Variants in TBC1D32 observed in about 807,000 individuals in gnomAD.
TBC1D32 encodes the protein TBC1 domain family member 32.
Under a neutral mutation model 170.3 loss-of-function variants are expected in TBC1D32, and 151 were observed. That is an observed-to-expected ratio of 0.89 (90% CI 0.78 to 1.01). The LOEUF is 1.01. Among genes scored for constraint, TBC1D32 ranks in the 50% least tolerant of loss-of-function variants. TBC1D32 has a pLI of 0.00. For missense variants in TBC1D32, 1,464 were observed against 1,457.1 expected (o/e 1.00, Z -0.08); for synonymous variants, 498 against 488.0 (o/e 1.02, Z -0.27).
chr6:121,272,896 T>C (rs185732197), intron 15 of TBC1D32, among the ~76,000 whole-genome samples: 21 of 152,324 alleles, frequency 1.4e-4, no homozygotes, highest in Non-Finnish European at 2.8e-4. Context: ...GAAGAAAATG[T>C]GGCACATATA....
intron 22 of TBC1D32, among the ~76,000 whole-genome samples, chr6:121,202,489 A>G (rs1562887401): frequency 6.6e-6 from 1 of 151,306 alleles, no homozygotes; most frequent in Non-Finnish European, 1.5e-5. Flanking sequence ...GAGCAGGATG[A>G]ATAGTTCTGA....
chr6:121,313,598 A>C (rs1808549500), intron 3 of TBC1D32, among the ~76,000 whole-genome samples: 1 of 152,098 alleles, frequency 6.6e-6, no homozygotes, highest in Admixed American at 6.5e-5. Flanking sequence ...TCTTTTAAAA[A>C]TCCTAGCTAT....
At chr6:121,238,303 T>C (rs1372705406) in intron 20 of TBC1D32, among the ~76,000 whole-genome samples, 2 of 152,106 alleles carry the variant, frequency 1.3e-5, no homozygotes, top group African/African-American at 4.8e-5. Context: ...TATTCATCCA[T>C]ATATTAACTT....
At chr6:121,108,227 A>T (rs1411136095) in intron 29 of TBC1D32, among the ~76,000 whole-genome samples, 1 of 152,112 alleles carries the variant, frequency 6.6e-6, no homozygotes, top group Non-Finnish European at 1.5e-5. Flanking sequence ...TTGTTCATAA[A>T]ACTAGATCAA....
chr6:121,126,057 A>T (rs1780809413), intron 26 of TBC1D32, among the ~76,000 whole-genome samples: 1 of 152,226 alleles, frequency 6.6e-6, no homozygotes, highest in Non-Finnish European at 1.5e-5. Context: ...AATATATGAG[A>T]GATAGGTAAA....
At chr6:121,168,553 G>T (rs1786418458) in intron 22 of TBC1D32, among the ~76,000 whole-genome samples, 1 of 69,832 alleles carries the variant, frequency 1.4e-5, no homozygotes, top group Non-Finnish European at 3.1e-5. Flanking sequence ...CACACTCTGG[G>T]GACTGTGGTG....
intron 3 of TBC1D32, among the ~76,000 whole-genome samples, chr6:121,314,625 G>A (rs4072142): frequency 0.13 from 19,250 of 152,166 alleles, 2,494 homozygotes; most frequent in African/African-American, 0.33. Context: ...TAGCTTGCAC[G>A]CTATAAAACA....
chr6:121,178,134 A>C (rs1788014926), intron 22 of TBC1D32, among the ~76,000 whole-genome samples: 1 of 152,142 alleles, frequency 6.6e-6, no homozygotes, highest in South Asian at 2.1e-4. Flanking sequence ...AGAACTCACT[A>C]TCTTGATAAC....
At chr6:121,145,278 T>C (rs1783278955) in intron 24 of TBC1D32, among the ~76,000 whole-genome samples, 1 of 152,076 alleles carries the variant, frequency 6.6e-6, no homozygotes, top group South Asian at 2.1e-4. Flanking sequence ...AAGAGGAAGA[T>C]CAGGCTTTAA....
At chr6:121,206,828 A>G (rs1437106171) in intron 21 of TBC1D32, among the ~76,000 whole-genome samples, 4 of 152,220 alleles carry the variant, frequency 2.6e-5, no homozygotes, top group Admixed American at 6.5e-5. Flanking sequence ...AAACATTACA[A>G]TAGAATGTGA....
chr6:121,308,881 T>C (rs1211760015), intron 4 of TBC1D32, among the ~76,000 whole-genome samples: 4 of 152,052 alleles, frequency 2.6e-5, no homozygotes, highest in African/African-American at 7.2e-5. Context: ...CAATGAAGAA[T>C]GGAACAAAGC....
chr6:121,298,387 CT>C (rs1433610126), intron 10 of TBC1D32, among the ~76,000 whole-genome samples: 1 of 151,860 alleles, frequency 6.6e-6, no homozygotes, highest in Non-Finnish European at 1.5e-5. Flanking sequence ...TATAAAAAAC[CT>C]TATTTGAAAT....
intron 4 of TBC1D32, among the ~76,000 whole-genome samples, chr6:121,309,544 T>A (rs1807853483): frequency 6.6e-6 from 1 of 152,036 alleles, no homozygotes; most frequent in Non-Finnish European, 1.5e-5. Context: ...AAAATAATTT[T>A]AAAAATTGAG....
chr6:121,124,655 A>G (rs772939670), intron 26 of TBC1D32, among the ~76,000 whole-genome samples: 4 of 152,022 alleles, frequency 2.6e-5, no homozygotes, highest in Non-Finnish European at 4.4e-5. Flanking sequence ...TTTAATTACA[A>G]TAACTCAAAT....
At chr6:121,088,136 G>C (rs188839834) in intron 31 of TBC1D32, among the ~76,000 whole-genome samples, 125 of 151,594 alleles carry the variant, frequency 8.2e-4, no homozygotes, top group African/African-American at 2.9e-3. Flanking sequence ...CTTTTTTTTG[G>C]TAGAGATGGG....
upstream of TBC1D32, chr6:121,334,617 C>G: frequency 1.5e-6 from 1 of 654,392 alleles, no homozygotes. Flanking sequence ...AGTCACCTTA[C>G]TTTGGGGAAG....
chr6:121,283,280 C>G (rs778238277), intron 13 of TBC1D32, among the ~76,000 whole-genome samples: 6 of 151,704 alleles, frequency 4.0e-5, no homozygotes, highest in Non-Finnish European at 5.9e-5. Flanking sequence ...ATTCTTGATA[C>G]TCAAAGGAAA....
At chr6:121,106,415 A>T (rs998149248) in intron 29 of TBC1D32, among the ~76,000 whole-genome samples, 2 of 151,968 alleles carry the variant, frequency 1.3e-5, no homozygotes, top group African/African-American at 4.8e-5. Context: ...AAAAGTTAAT[A>T]ATTTATAATC....
chr6:121,210,926 T>G (rs1231370389), intron 21 of TBC1D32, among the ~76,000 whole-genome samples: 2 of 152,134 alleles, frequency 1.3e-5, no homozygotes, highest in Admixed American at 6.5e-5. Context: ...TACAAAACTG[T>G]GAGTTAATAA....
Sources: allele counts gnomAD v4.1 joint callset (sites outside exome capture counted in the v4.1 genomes callset), GRCh38; gene constraint gnomAD v4.1.1; transcripts MANE v1.5; gene names NCBI Gene and HGNC (gene_info 2026-07-23, HGNC 2026-07-21).